The following SEMA4D variants were observed in gnomAD, a reference collection of about 807,000 sequenced individuals.
SEMA4D encodes the protein semaphorin-4D.
SEMA4D carries 22 observed loss-of-function variants against 74.8 expected under a neutral mutation model. That is an observed-to-expected ratio of 0.29 (90% CI 0.21 to 0.42). The LOEUF is 0.42. Ranked by LOEUF, SEMA4D falls within the 10% of genes least tolerant of loss-of-function variation. SEMA4D has a pLI of 1.00. For missense variants in SEMA4D, 937 were observed against 1,118.4 expected (o/e 0.84, Z 2.31); for synonymous variants, 445 against 463.7 (o/e 0.96, Z 0.52).
At chr9:89,451,671 T>G (rs1255963283) in intron 2 of SEMA4D, among the ~76,000 whole-genome samples, 1 of 152,206 alleles carries the variant, frequency 6.6e-6, no homozygotes, top group African/African-American at 2.4e-5. Context: ...ACCTCCGGCA[T>G]GCTGTCCCAG....
rs890097059 is a variant in SEMA4D at position 89,410,945 on chromosome 9, C to T, written c.-243-5246G>A. On this transcript the variant is annotated intron_variant, in intron 2 of 15. Transcript: ENST00000422704. The stretch of plus-strand genomic sequence containing the variant: ...CAATCAGTATGAGTGCAGTACAGAA[C>T]ACTGCTTCAAACCTACAAGTTCTCA... Among the ~76,000 whole-genome samples, 6 of 152,222 alleles carry T rather than the reference C, an allele frequency of 3.9e-5. No homozygotes were observed. The South Asian group carries it at 8.3e-4, about 21-fold the overall frequency.
chr9:89,451,503 A>T (rs9410484), intron 2 of SEMA4D, among the ~76,000 whole-genome samples: 146,498 of 152,334 alleles, frequency 0.96, 70,658 homozygotes, highest in Non-Finnish European at 1. Flanking sequence ...GCTCAACTGG[A>T]TTTGTTCCCT....
intron 2 of SEMA4D, among the ~76,000 whole-genome samples, chr9:89,428,741 C>A (rs545011726): frequency 6.6e-6 from 1 of 152,384 alleles, no homozygotes; most frequent in African/African-American, 2.4e-5. Context: ...ACGGCCAACC[C>A]ACCTCCAGGG....
intron 16 of SEMA4D, chr9:89,369,482 G>A (rs1341821544): frequency 6.6e-6 from 1 of 152,282 alleles, no homozygotes; most frequent in Admixed American, 6.5e-5. Flanking sequence ...GCAGGGCCCT[G>A]ACAGGGTAAA....
intron 2 of SEMA4D, chr9:89,450,335 G>A (rs1037325662): frequency 1.1e-6 from 1 of 939,378 alleles, no homozygotes; most frequent in African/African-American, 1.6e-5. Flanking sequence ...GACTGAAAAT[G>A]AAAACTTGAC....
At chr9:89,425,686 A>C (rs950971320) in intron 2 of SEMA4D, among the ~76,000 whole-genome samples, 1 of 152,172 alleles carries the variant, frequency 6.6e-6, no homozygotes, top group Non-Finnish European at 1.5e-5. Context: ...CTGGCTGTAC[A>C]TCCACCCCCT....
At position 89,405,451 on chromosome 9, in the gene SEMA4D, C is replaced by A. The variant is rs1262933070; in HGVS notation, c.6G>T (p.Arg2Ser). 1 of 1,613,748 alleles carries A rather than the reference C, an allele frequency of 6.2e-7. No homozygotes were observed. The highest frequency in any genetic ancestry group is 8.5e-7 in the Non-Finnish European group (1 of 1,180,018). Reference sequence around the variant, plus strand: ...GCAGCCCCCTAATGGGGGTGCACATCCTCATCAGGTAGAGGCGACCCCAGG... The same window carrying A: ...GCAGCCCCCTAATGGGGGTGCACATACTCATCAGGTAGAGGCGACCCCAGG... M[R>S]MCTPIRGLLM... The change falls in exon 3 of 16, where the codon AGG becomes AGT. Residue 2 changes from arginine (R) to serine (S), a missense_variant. By Grantham distance (110) the Arg-to-Ser change is moderately radical. Coordinates refer to ENST00000422704, the MANE Select transcript of SEMA4D (RefSeq NM_001371194.2).
In SEMA4D at chr9:89,387,546, C is replaced by A; in HGVS notation, c.1170G>T (p.Thr390=). ...YTSSLNLPDK[T]LQFVKDHPLM... ...AAGGGTGGTCTTTAACGAACTGCAG[C>A]GTCTTGTCTGGCAAATTCAAGGAGC... The change falls in exon 12 of 16, where the codon ACG becomes ACT. Residue 390 remains threonine, a synonymous_variant. Coordinates refer to ENST00000422704, the MANE Select transcript of SEMA4D (RefSeq NM_001371194.2). The A allele has an allele frequency of 6.2e-7, 1 of 1,614,224 alleles. No individual in the cohort carries two copies. The highest frequency in any genetic ancestry group is 8.5e-7 in the Non-Finnish European group (1 of 1,180,040).
chr9:89,369,912 TGTG>T (rs757303213), intron 16 of SEMA4D, among the ~76,000 whole-genome samples: 122 of 151,178 alleles, frequency 8.1e-4, no homozygotes, highest in Non-Finnish European at 1.4e-3. Context: ...ATGTGATTGG[TGTG>T]GTGTGGGTAG....
exon 19 of SEMA4D, chr9:89,362,423 G>A (rs1832831171): frequency 1.9e-6 from 3 of 1,614,044 alleles, no homozygotes; most frequent in East Asian, 2.2e-5. Flanking sequence ...CCTTGCTACA[G>A]CTTTCCTGAA....
At chr9:89,425,309 A>T (rs757396417) in intron 2 of SEMA4D, among the ~76,000 whole-genome samples, 4 of 152,228 alleles carry the variant, frequency 2.6e-5, no homozygotes, top group Non-Finnish European at 5.9e-5. Flanking sequence ...GGGCAACCTC[A>T]GACCTGCCCT....
chr9:89,373,748 C>T (rs921885263), downstream of SEMA4D, among the ~76,000 whole-genome samples: 6 of 152,180 alleles, frequency 3.9e-5, no homozygotes, highest in African/African-American at 7.2e-5. Context: ...CAGGCAGAAG[C>T]GGTAGGCCTG....
At chr9:89,473,102 T>C (rs143435808) in intron 1 of SEMA4D, among the ~76,000 whole-genome samples, 91 of 152,188 alleles carry the variant, frequency 6.0e-4, no homozygotes, top group African/African-American at 2.1e-3. Flanking sequence ...AATAAAGTAT[T>C]GGAAAGGAAG....
Position 89,461,700 on chromosome 9 carries a change from C to CTCTTTTTTT in SEMA4D, c.-309-5748_-309-5747insAAAAAAAGA, listed in dbSNP as rs71281350. Among the ~76,000 whole-genome samples, 73 of 103,656 alleles carry CTCTTTTTTT rather than the reference C, an allele frequency of 7.0e-4. 7 individuals are homozygous for CTCTTTTTTT. Among genetic ancestry groups the CTCTTTTTTT allele is most frequent in the South Asian group, 1.1e-3 (3 of 2,636 alleles). 68.0% of individuals were successfully genotyped at this position (103,656 alleles called of 152,430 possible). A position where few individuals can be genotyped will look rare whatever the true frequency, so the allele number is the denominator to read the frequency against. On this transcript the variant is annotated intron_variant, in intron 1 of 15. Coordinates refer to ENST00000422704, the MANE Select transcript of SEMA4D (RefSeq NM_001371194.2). ...GGGCCAATGTGTATTTCTTTTTTCT[C>CTCTTTTTTT]TTTTTTTTTTTTTTTTTTTGGAGAC...
intron 2 of SEMA4D, among the ~76,000 whole-genome samples, chr9:89,435,701 C>CAGGCT (rs751560614): frequency 2.6e-5 from 4 of 152,232 alleles, no homozygotes; most frequent in Non-Finnish European, 5.9e-5. Flanking sequence ...GCAAGTCCTA[C>CAGGCT]AGGCTCCACC....
intron 1 of SEMA4D, among the ~76,000 whole-genome samples, chr9:89,461,766 G>A (rs574430930): frequency 1.1e-4 from 16 of 142,396 alleles, no homozygotes; most frequent in African/African-American, 2.9e-4. Context: ...GCAGTGGTGC[G>A]ATCTCGGCTC....
At chr9:89,417,462 T>A (rs1192794377) in intron 2 of SEMA4D, among the ~76,000 whole-genome samples, 1 of 152,136 alleles carries the variant, frequency 6.6e-6, no homozygotes, top group Non-Finnish European at 1.5e-5. Flanking sequence ...GCCAGCAGAA[T>A]AAAAAACCTT....
chr9:89,454,597 T>TGG (rs780783797), intron 2 of SEMA4D, among the ~76,000 whole-genome samples: 3 of 152,292 alleles, frequency 2.0e-5, no homozygotes, highest in South Asian at 4.1e-4. Context: ...CCTGCATAGG[T>TGG]GGCTGCTGGC....
At chr9:89,450,069 A>G in intron 2 of SEMA4D, 1 of 1,315,942 alleles carries the variant, frequency 7.6e-7, no homozygotes, top group South Asian at 1.2e-5. Flanking sequence ...AGAAGCCTGG[A>G]ACAAAGTTGC....
Sources: gnomAD v4.1 joint callset for allele counts (sites outside exome capture counted in the v4.1 genomes callset) on GRCh38, gnomAD v4.1.1 for gene constraint, MANE v1.5 for transcripts, NCBI Gene and HGNC (gene_info 2026-07-23, HGNC 2026-07-21) for gene names.